The following SEC14L5 variants were observed in gnomAD, a reference collection of about 807,000 sequenced individuals.
SEC14L5 encodes the protein SEC14 like lipid binding 5, also known as SEC14-like protein 5.
A neutral mutation model predicts 84.6 loss-of-function variants in SEC14L5; 96 were observed. That is an observed-to-expected ratio of 1.13 (90% CI 0.96 to 1.34). The LOEUF (loss-of-function observed/expected upper bound fraction) is 1.34, where lower values mean the gene tolerates loss of function less well. SEC14L5 is among the 40% of genes most tolerant of loss of function. The pLI is 0.00. For missense variants in SEC14L5, 1,224 were observed against 942.5 expected (o/e 1.30, Z -3.91); for synonymous variants, 546 against 383.4 (o/e 1.42, Z -4.95).
chr16:4,969,769 A>AAGCTC (rs1344248229), intron 2 of SEC14L5, among the ~76,000 whole-genome samples: 2 of 150,868 alleles, frequency 1.3e-5, no homozygotes, highest in East Asian at 3.9e-4. Context: ...TCATTAAGGG[A>AAGCTC]AGCTCCAGGA....
intron 12 of SEC14L5, 108 bp downstream of exon 12, chr16:5,006,156 C>T (rs936057483): frequency 3.1e-5 from 35 of 1,123,278 alleles, no homozygotes; most frequent in Middle Eastern, 2.8e-4. Context: ...GGGCTGGGTG[C>T]GGCATGTGCA....
In SEC14L5 at chr16:4,996,842, C is replaced by G. The variant is rs549697813; in HGVS notation, c.781-13C>G. On this transcript the variant is annotated splice_polypyrimidine_tract_variant and intron_variant, in intron 7 of 15. Coordinates refer to ENST00000251170, the MANE Select transcript of SEC14L5 (RefSeq NM_014692.2). ...ATACCGTTCTGTGGGCTTTTTACTT[C>G]TTTGTCTCTCAGATTCCCAAAGATG... 4.4e-6 allele frequency: 7 copies of G among 1,602,530 alleles called. No individual in the cohort carries two copies. In the South Asian group the frequency reaches 7.8e-5, roughly 18 times the overall value.
At chr16:4,982,403 A>G (rs1201556477) in intron 2 of SEC14L5, among the ~76,000 whole-genome samples, 3 of 152,080 alleles carry the variant, frequency 2.0e-5, no homozygotes, top group Non-Finnish European at 2.9e-5. Flanking sequence ...ATACGCCCCC[A>G]CCACCCTGAC....
At chr16:4,993,652 T>G (rs2908679) in intron 6 of SEC14L5, among the ~76,000 whole-genome samples, 115,966 of 152,200 alleles carry the variant, frequency 0.76, 44,583 homozygotes, top group African/African-American at 0.86. Context: ...GAGTACTTAA[T>G]AATTTTTTTA....
intron 8 of SEC14L5, 73 bp from the exon 9 acceptor site, chr16:5,000,582 A>C (rs929829030): frequency 8.1e-5 from 95 of 1,166,792 alleles, no homozygotes; most frequent in Non-Finnish European, 8.7e-5. Flanking sequence ...TCTCACCTGC[A>C]GCTGTGACCT....
At chr16:4,998,725 G>A (rs1378293687) in intron 8 of SEC14L5, among the ~76,000 whole-genome samples, 3 of 123,044 alleles carry the variant, frequency 2.4e-5, no homozygotes, top group African/African-American at 3.3e-5. Context: ...GCGACAGAGC[G>A]AGACTCCGTC....
chr16:4,987,762 A>C, intron 3 of SEC14L5, 56 bp downstream of exon 3: 1 of 1,122,376 alleles, frequency 8.9e-7, no homozygotes, highest in Non-Finnish European at 1.2e-6. Flanking sequence ...GAGGTGCGGG[A>C]GGGCTGGGCG....
At chr16:4,987,216 T>TA (rs1955497934) in intron 2 of SEC14L5, among the ~76,000 whole-genome samples, 2 of 151,228 alleles carry the variant, frequency 1.3e-5, no homozygotes, top group South Asian at 4.2e-4. Flanking sequence ...TTTTTTTTTT[T>TA]ATCATGAAGG....
chr16:4,959,194 C>A, intron 1 of SEC14L5, 79 bp from the exon 2 acceptor site: 1 of 712,818 alleles, frequency 1.4e-6, no homozygotes, highest in Non-Finnish European at 2.6e-6. Context: ...GGGCCAGGGG[C>A]TGCCCCTTAC....
intron 9 of SEC14L5, 37 bp downstream of exon 9, chr16:5,000,780 G>C (rs370099055): frequency 1.8e-4 from 284 of 1,557,518 alleles, no homozygotes; most frequent in South Asian, 5.2e-4. Context: ...GCCGTGCCTG[G>C]GGCCGGGCCT....
chr16:4,978,747 C>A (rs184254918), intron 2 of SEC14L5, among the ~76,000 whole-genome samples: 2 of 151,502 alleles, frequency 1.3e-5, no homozygotes, highest in Non-Finnish European at 1.5e-5. Flanking sequence ...GAACTACAGG[C>A]GCCTGCCACC....
chr16:5,011,297 C>T (rs1955800215), intron 15 of SEC14L5, 24 bp downstream of exon 15: 2 of 1,605,420 alleles, frequency 1.2e-6, no homozygotes, highest in Admixed American at 1.7e-5. Context: ...GGAGCGGGGT[C>T]CTGGGCAGGA....
chr16:4,992,177 C>G, intron 6 of SEC14L5, 147 bp downstream of exon 6: 1 of 539,554 alleles, frequency 1.9e-6, no homozygotes, highest in Non-Finnish European at 3.3e-6. Flanking sequence ...CGCCTCCTGC[C>G]TCCACTGAGT....
chr16:4,967,227 C>T (rs913622177), intron 2 of SEC14L5, among the ~76,000 whole-genome samples: 2 of 152,204 alleles, frequency 1.3e-5, no homozygotes, highest in Admixed American at 1.3e-4. Context: ...CTGCTCCTGG[C>T]CTCTCTCCCA....
chr16:5,004,579 CAG>C (rs1047388643), intron 11 of SEC14L5, among the ~76,000 whole-genome samples: 3 of 151,712 alleles, frequency 2.0e-5, no homozygotes, highest in Non-Finnish European at 4.4e-5. Flanking sequence ...AAAGCTGGGA[CAG>C]GGGTGGGGGC....
At chr16:4,987,062 T>C (rs1955495720) in intron 2 of SEC14L5, among the ~76,000 whole-genome samples, 1 of 152,198 alleles carries the variant, frequency 6.6e-6, no homozygotes, top group African/African-American at 2.4e-5. Context: ...CAAGCTCGAA[T>C]AGACACGAAG....
chr16:4,967,235 C>T (rs949202577), intron 2 of SEC14L5, among the ~76,000 whole-genome samples: 45 of 152,310 alleles, frequency 3.0e-4, no homozygotes, highest in African/African-American at 1.1e-3. Context: ...GGCCTCTCTC[C>T]CAGCCTCGGA....
At position 5,011,250 on chromosome 16, in the gene SEC14L5, G is replaced by A; in HGVS notation, c.1956G>A (p.Glu652=). The change falls in exon 15 of 16, where the codon GAG becomes GAA. Residue 652 remains glutamate, a synonymous_variant. Transcript: ENST00000251170. Reference sequence around the variant, plus strand: ...AGTGCAAACTTCTCTACTACTGTGAGGTGCTCGCCTCTGAGGACTTCAGGT... The same window carrying A: ...AGTGCAAACTTCTCTACTACTGTGAAGTGCTCGCCTCTGAGGACTTCAGGT... The part of the protein sequence containing the change: ...GPKCKLLYYC[E]VLASEDFRGS... The A allele has an allele frequency of 1.9e-6, 3 of 1,613,812 alleles. No homozygotes were observed.
chr16:4,977,184 C>T (rs536096772), intron 2 of SEC14L5, among the ~76,000 whole-genome samples: 1 of 152,184 alleles, frequency 6.6e-6, no homozygotes, highest in South Asian at 2.1e-4. Context: ...CAGTGGCTCA[C>T]GCCTGTAATC....
Sources: allele counts gnomAD v4.1 joint callset (sites outside exome capture counted in the v4.1 genomes callset), GRCh38; gene constraint gnomAD v4.1.1; transcripts MANE v1.5; gene names NCBI Gene and HGNC (gene_info 2026-07-23, HGNC 2026-07-21).